ZWILCH: variants seen among roughly 807,000 people sequenced by gnomAD.
ZWILCH encodes protein zwilch homolog.
ZWILCH carries 74 observed loss-of-function variants against 79.9 expected under a neutral mutation model. The observed-to-expected ratio is 0.93, with a 90% CI of 0.77 to 1.12. ZWILCH has a LOEUF of 1.12. Among genes scored for constraint, ZWILCH ranks in the 50% most tolerant of loss-of-function variants. The pLI is 0.00. For missense variants in ZWILCH, 694 were observed against 687.5 expected (o/e 1.01, Z -0.11); for synonymous variants, 241 against 228.2 (o/e 1.06, Z -0.51).
chr15:66,513,914 A>C (rs1894162458), intron 2 of ZWILCH, 74 bp from the exon 3 acceptor site: 1 of 1,208,894 alleles, frequency 8.3e-7, no homozygotes, highest in Admixed American at 2.2e-5. Flanking sequence ...CTTGCATAGA[A>C]CTGGTCTTTA....
intron 10 of ZWILCH, 44 bp from the exon 11 acceptor site, chr15:66,528,808 T>TAAA: frequency 1.7e-6 from 2 of 1,206,414 alleles, no homozygotes; most frequent in Non-Finnish European, 2.3e-6. Flanking sequence ...TTATTTCACT[T>TAAA]AAAAAAAAAA....
At chr15:66,519,162 T>C (rs996347915) in intron 5 of ZWILCH, 84 bp downstream of exon 5, 22 of 1,371,794 alleles carry the variant, frequency 1.6e-5, no homozygotes, top group Middle Eastern at 2.1e-4. Flanking sequence ...AAAATTGATA[T>C]TGTTATGATG....
chr15:66,529,632 A>G, intron 12 of ZWILCH, 59 bp downstream of exon 12: 2 of 1,353,766 alleles, frequency 1.5e-6, no homozygotes, highest in East Asian at 2.3e-5. Flanking sequence ...ATGTAAAGAC[A>G]CAGGCTCTGA....
intron 1 of ZWILCH, chr15:66,505,662 G>GACA (rs1893785774): frequency 2.0e-6 from 1 of 491,744 alleles, no homozygotes; most frequent in African/African-American, 2.0e-5. Flanking sequence ...TCTGCTGATG[G>GACA]ACACACTTGC....
intron 1 of ZWILCH, among the ~76,000 whole-genome samples, chr15:66,506,549 A>T (rs1893826779): frequency 6.6e-6 from 1 of 152,104 alleles, no homozygotes; most frequent in African/African-American, 2.4e-5. Context: ...GGCACCTGTA[A>T]TCCCAGCTAC....
At chr15:66,509,870 T>TACATATATATAG (rs1491513134) in intron 2 of ZWILCH, among the ~76,000 whole-genome samples, 3 of 100,600 alleles carry the variant, frequency 3.0e-5, no homozygotes, top group Non-Finnish European at 4.0e-5. Context: ...TATATATATA[T>TACATATATATAG]CTCTTAAAAA....
chr15:66,518,948 T>G lies in ZWILCH; in HGVS notation c.390T>G (p.Val130=). The G allele has an allele frequency of 6.2e-7, 1 of 1,614,278 alleles. No homozygotes were observed. Among genetic ancestry groups the G allele is most frequent in the Non-Finnish European group, 8.5e-7 (1 of 1,180,044 alleles). The change falls in exon 5 of 19, where the codon GTT becomes GTG. Residue 130 remains valine (V), a synonymous_variant. Transcript: ENST00000307897. The part of the protein sequence containing the change: ...NMTHLKINLP[V]TALPPLWVRC... ...CCCATTTGAAGATTAATCTGCCAGT[T>G]ACTGCCCTTCCTCCCCTTTGGGTAA... is the stretch of plus-strand genomic sequence containing the variant.
intron 17 of ZWILCH, among the ~76,000 whole-genome samples, chr15:66,543,576 G>A (rs1264096849): frequency 6.6e-6 from 1 of 152,148 alleles, no homozygotes; most frequent in Non-Finnish European, 1.5e-5. Flanking sequence ...GGGTAACACA[G>A]TGGGACCCGA....
chr15:66,517,430 G>GTGTGTGTATATATATATATATA lies in ZWILCH; in HGVS notation c.321-1448_321-1447insGTGTGTATATATATATATATAT. Among the ~76,000 whole-genome samples the GTGTGTGTATATATATATATATA allele has an allele frequency of 8.5e-3, 562 of 66,374 alleles. 9 individuals are homozygous for GTGTGTGTATATATATATATATA. The highest frequency in any genetic ancestry group is 0.027 in the African/African-American group (432 of 16,226). 43.5% of individuals were successfully genotyped at this position (66,374 alleles called of 152,430 possible). On this transcript the variant is annotated intron_variant, in intron 4 of 18. Transcript: ENST00000307897. ...TGTTTGTGTGTGCGTGTGTGTGTGT[G>GTGTGTGTATATATATATATATA]TATATATATATATATATATATATAT...
chr15:66,509,762 T>G (rs1595901721), intron 2 of ZWILCH, among the ~76,000 whole-genome samples: 3 of 125,504 alleles, frequency 2.4e-5, no homozygotes, highest in Non-Finnish European at 3.3e-5. Context: ...AAGCTGGGGG[T>G]GGGGGGAATA....
chr15:66,537,719 A>G (rs1350930007), intron 16 of ZWILCH, among the ~76,000 whole-genome samples: 1 of 152,100 alleles, frequency 6.6e-6, no homozygotes. Context: ...ATGATAATAA[A>G]TAAGCATTTT....
chr15:66,519,388 G>A (rs184171588), intron 5 of ZWILCH, among the ~76,000 whole-genome samples: 13 of 152,262 alleles, frequency 8.5e-5, no homozygotes, highest in East Asian at 1.9e-4. Flanking sequence ...GTTTCCAATC[G>A]TAGACATTTA....
intron 7 of ZWILCH, among the ~76,000 whole-genome samples, chr15:66,522,257 A>G (rs73474145): frequency 6.6e-6 from 1 of 152,110 alleles, no homozygotes; most frequent in Non-Finnish European, 1.5e-5. Flanking sequence ...CAGTGCAGCG[A>G]TATAACTGTG....
intron 2 of ZWILCH, among the ~76,000 whole-genome samples, chr15:66,511,353 T>G (rs1894056292): frequency 6.6e-6 from 1 of 151,896 alleles, no homozygotes; most frequent in Non-Finnish European, 1.5e-5. Flanking sequence ...CTGGGTGTGG[T>G]GTCACGCACC....
chr15:66,540,007 C>T, intron 16 of ZWILCH, 91 bp from the exon 17 acceptor site: 2 of 807,206 alleles, frequency 2.5e-6, no homozygotes, highest in Non-Finnish European at 4.0e-6. Flanking sequence ...CAGTGCTTAT[C>T]ACATGAAGAC....
At chr15:66,511,804 G>A (rs949009291) in intron 2 of ZWILCH, among the ~76,000 whole-genome samples, 3 of 151,926 alleles carry the variant, frequency 2.0e-5, no homozygotes, top group East Asian at 1.9e-4. Context: ...TAGTGGAGAC[G>A]GGGTTTCACC....
chr15:66,549,924 C>T lies in ZWILCH; in HGVS notation c.*1600C>T, dbSNP rs537763249. ...TGCTTCAAAGAAACCTGATTTTAAT[C>T]ATAAGTAGTTTTGGAAGATTGACTT... On this transcript the variant is annotated 3_prime_UTR_variant, in exon 19 of 19. Coordinates refer to ENST00000307897, the MANE Select transcript of ZWILCH (RefSeq NM_017975.5). 1.7e-5 allele frequency: 10 copies of T among 571,448 alleles called. No homozygotes were observed. In the African/African-American group the frequency reaches 2.0e-4, roughly 11 times the overall value. The allele number at this position is 571,448 out of a possible 1,614,324, so 35.4% of individuals were successfully genotyped here. A position where few individuals can be genotyped will look rare whatever the true frequency, so the allele number is the denominator to read the frequency against.
intron 2 of ZWILCH, among the ~76,000 whole-genome samples, chr15:66,511,391 G>T (rs899462291): frequency 6.6e-6 from 1 of 151,672 alleles, no homozygotes; most frequent in Non-Finnish European, 1.5e-5. Context: ...CTACTGGGAG[G>T]CCTCAGCTGG....
chr15:66,505,591 A>G (rs1319520615), intron 1 of ZWILCH, 200 bp downstream of exon 1: 2 of 604,642 alleles, frequency 3.3e-6, no homozygotes, highest in Non-Finnish European at 5.7e-6. Flanking sequence ...CTCAGGAGAA[A>G]ACGTGTACGT....
Sources: allele counts gnomAD v4.1 joint callset (sites outside exome capture counted in the v4.1 genomes callset), GRCh38; gene constraint gnomAD v4.1.1; transcripts MANE v1.5; gene names NCBI Gene and HGNC (gene_info 2026-07-23, HGNC 2026-07-21).